Variants in GLIS3 observed in about 807,000 individuals in gnomAD.
The protein encoded by GLIS3 is zinc finger protein GLIS3.
GLIS3 carries 53 observed loss-of-function variants against 78.6 expected under a neutral mutation model. The observed-to-expected ratio is 0.67, with a 90% CI of 0.54 to 0.85. GLIS3 has a LOEUF of 0.85. Ranked by LOEUF, GLIS3 falls within the 40% of genes least tolerant of loss-of-function variation. The probability of loss-of-function intolerance (pLI) is 0.00; values close to 1 mark genes in which losing one functional copy is unlikely to be tolerated. For missense variants in GLIS3, 1,703 were observed against 1,231.1 expected (o/e 1.38, Z -5.74); for synonymous variants, 684 against 509.9 (o/e 1.34, Z -4.60).
At chr9:3,847,280 C>T (rs751465823) in intron 9 of GLIS3, among the ~76,000 whole-genome samples, 30 of 152,124 alleles carry the variant, frequency 2.0e-4, no homozygotes, top group Admixed American at 6.5e-4. Flanking sequence ...AAGAGGGGCC[C>T]AGATAAACTT....
chr9:3,991,738 TG>T (rs1820282382), intron 4 of GLIS3, among the ~76,000 whole-genome samples: 1 of 137,508 alleles, frequency 7.3e-6, no homozygotes, highest in Non-Finnish European at 1.5e-5. Flanking sequence ...TCGCCCAGGC[TG>T]GAGTGCAGTG....
intron 4 of GLIS3, chr9:4,054,442 C>G: frequency 1.0e-6 from 1 of 985,410 alleles, no homozygotes; most frequent in Non-Finnish European, 1.2e-6. Context: ...TGGCGAGAGT[C>G]ACAGGAGGAT....
Position 3,993,517 on chromosome 9 carries a change from A to G in GLIS3, c.1711-56328T>C, listed in dbSNP as rs373151216. ...ATGTACATTTCATGTATATGTAAAAATCCACAATAAGTCCACTATCTGAGG... is the reference window on the plus strand; with the variant it reads ...ATGTACATTTCATGTATATGTAAAAGTCCACAATAAGTCCACTATCTGAGG... On this transcript the variant is annotated intron_variant, in intron 4 of 10. Transcript: ENST00000381971. 3.3e-5 allele frequency among the ~76,000 whole-genome samples: 5 copies of G among 152,330 alleles called. No homozygotes were observed. The South Asian group carries it at 6.2e-4, about 19-fold the overall frequency.
the GLIS3 span, among the ~76,000 whole-genome samples, chr9:4,400,832 G>A: frequency 4.3e-4 from 65 of 152,296 alleles, no homozygotes; most frequent in East Asian, 0.012. Context: ...GGTATCTACT[G>A]CATTGAAGGG....
At chr9:4,135,943 G>T (rs958936869) in intron 2 of GLIS3, among the ~76,000 whole-genome samples, 1 of 152,100 alleles carries the variant, frequency 6.6e-6, no homozygotes, top group Admixed American at 6.5e-5. Context: ...TCACTGCTGA[G>T]ATACATTAGT....
At chr9:4,465,606 G>A in the GLIS3 span, among the ~76,000 whole-genome samples, 3 of 152,164 alleles carry the variant, frequency 2.0e-5, no homozygotes, top group Admixed American at 1.3e-4. Context: ...GGATTTATTT[G>A]TAAATCCAAG....
At chr9:4,351,006 G>C (rs543130562), upstream of GLIS3, among the ~76,000 whole-genome samples, 1 of 151,974 alleles carries the variant, frequency 6.6e-6, no homozygotes, top group African/African-American at 2.4e-5. Flanking sequence ...CCGCCATGAA[G>C]CTTGTCCTAT....
intron 2 of GLIS3, among the ~76,000 whole-genome samples, chr9:4,165,367 G>C (rs1835800640): frequency 6.6e-6 from 1 of 152,208 alleles, no homozygotes; most frequent in Non-Finnish European, 1.5e-5. Flanking sequence ...CTTGAGCCCA[G>C]GAGGCGGAGG....
chr9:4,124,940 T>C (rs955117211), intron 3 of GLIS3, among the ~76,000 whole-genome samples: 4 of 152,204 alleles, frequency 2.6e-5, no homozygotes, highest in African/African-American at 7.2e-5. Context: ...ATTTCAAACA[T>C]AGACACAGAC....
chr9:4,229,721 C>T (rs1031917074), intron 2 of GLIS3, among the ~76,000 whole-genome samples: 1 of 152,160 alleles, frequency 6.6e-6, no homozygotes, highest in African/African-American at 2.4e-5. Flanking sequence ...AGAAAGAGAA[C>T]TCTAACAACA....
intron 4 of GLIS3, among the ~76,000 whole-genome samples, chr9:4,115,194 A>T (rs1304227821): frequency 3.9e-5 from 6 of 152,232 alleles, no homozygotes; most frequent in African/African-American, 1.2e-4. Flanking sequence ...TCAATAAGCT[A>T]AGCAAGTGAA....
chr9:4,288,900 T>A (rs1462119457), intron 1 of GLIS3, among the ~76,000 whole-genome samples: 1 of 152,168 alleles, frequency 6.6e-6, no homozygotes. Flanking sequence ...CATGAAAATA[T>A]GGCGAATATT....
the GLIS3 span, among the ~76,000 whole-genome samples, chr9:4,483,408 A>G: frequency 3.9e-5 from 6 of 152,314 alleles, no homozygotes; most frequent in East Asian, 3.9e-4. Context: ...TAACAACTCT[A>G]TATTTGTTCC....
the GLIS3 span, among the ~76,000 whole-genome samples, chr9:4,438,914 G>A: frequency 1.3e-5 from 2 of 152,144 alleles, no homozygotes; most frequent in African/African-American, 2.4e-5. Flanking sequence ...TTAGCAGCGT[G>A]AGAACAGACT....
In GLIS3 at chr9:3,828,006, G is replaced by C. The variant is rs917758645; in HGVS notation, c.*266C>G. 27 of 507,122 alleles carry C rather than the reference G, an allele frequency of 5.3e-5. No individual in the cohort carries two copies. Among genetic ancestry groups the C allele is most frequent in the Non-Finnish European group, 9.3e-5 (26 of 279,296 alleles). The allele number at this position is 507,122 out of a possible 1,614,324, so 31.4% of individuals were successfully genotyped here. A position where few individuals can be genotyped will look rare whatever the true frequency, so the allele number is the denominator to read the frequency against. On this transcript the variant is annotated 3_prime_UTR_variant, in exon 11 of 11. Coordinates refer to ENST00000381971, the MANE Select transcript of GLIS3 (RefSeq NM_001042413.2). ...ACAGCCAGGAAGTAACAGGTATCCA[G>C]GAGAGTGAGGCTCTAAATTCCCTTT...
the GLIS3 span, among the ~76,000 whole-genome samples, chr9:4,477,054 G>A: frequency 5.1e-4 from 77 of 152,072 alleles, no homozygotes; most frequent in African/African-American, 1.7e-3. Context: ...CAGTAATTAT[G>A]CTTCTGGGTA....
chr9:4,021,158 CATGTAT>C (rs58891006), intron 4 of GLIS3, among the ~76,000 whole-genome samples: 32,191 of 150,492 alleles, frequency 0.21, 4,105 homozygotes, highest in African/African-American at 0.36. Flanking sequence ...AATATCTGTA[CATGTAT>C]ATGTATATGT....
At chr9:4,029,436 G>A (rs1392775357) in intron 4 of GLIS3, among the ~76,000 whole-genome samples, 1 of 152,154 alleles carries the variant, frequency 6.6e-6, no homozygotes, top group African/African-American at 2.4e-5. Flanking sequence ...GTCCCCTTAA[G>A]CATTTATCCT....
chr9:4,192,032 C>T (rs1488297598), intron 2 of GLIS3, among the ~76,000 whole-genome samples: 1 of 151,942 alleles, frequency 6.6e-6, no homozygotes, highest in Non-Finnish European at 1.5e-5. Flanking sequence ...CAAAAAAGGG[C>T]CATAATCTTT....
Sources: gnomAD v4.1 joint callset for allele counts (sites outside exome capture counted in the v4.1 genomes callset) on GRCh38, gnomAD v4.1.1 for gene constraint, MANE v1.5 for transcripts, NCBI Gene and HGNC (gene_info 2026-07-23, HGNC 2026-07-21) for gene names.